DNAH14: variants seen among roughly 807,000 people sequenced by gnomAD.
The protein encoded by DNAH14 is axonemal beta dynein heavy chain 14.
A neutral mutation model predicts 520.9 loss-of-function variants in DNAH14; 478 were observed. The observed-to-expected ratio is 0.92, with a 90% CI of 0.85 to 0.99. DNAH14 has a LOEUF of 0.99. Among genes scored for constraint, DNAH14 ranks in the 50% least tolerant of loss-of-function variants. DNAH14 has a pLI of 0.00. For synonymous variants in DNAH14, 1,581 were observed against 1,757.2 expected, an observed-to-expected ratio of 0.90 and a Z score of 2.51; for missense variants, 4,831 against 5,234.5, an observed-to-expected ratio of 0.92 and a Z score of 2.38.
rs949407805 is a variant in DNAH14, at chr1:225,119,270, A to C, written c.4142A>C (p.Lys1381Thr). ...AVEQWLVNVE[K>T]SMFDVLKKFL... ...GAACAGTGGCTGGTAAATGTAGAAA[A>C]AAGCATGTTCGATGTGCTAAAAAAG... Residue 1381 changes from lysine (K) to threonine (T), a missense_variant, in exon 26 of 86, where the codon AAA becomes ACA. Transcript: ENST00000682510. 3.9e-6 allele frequency: 6 copies of C among 1,525,680 alleles called. No homozygotes were observed. In the Admixed American group the frequency reaches 8.2e-5, roughly 21 times the overall value. The allele number at this position is 1,525,680 out of a possible 1,614,324, so 94.5% of individuals were successfully genotyped here.
intron 5 of DNAH14, among the ~76,000 whole-genome samples, chr1:224,966,292 T>A (rs964124222): frequency 6.6e-6 from 1 of 152,116 alleles, no homozygotes; most frequent in East Asian, 1.9e-4. Flanking sequence ...TTTTAAAAAG[T>A]GTAAAACTGG....
intron 38 of DNAH14, among the ~76,000 whole-genome samples, chr1:225,193,246 T>C (rs1461244005): frequency 6.6e-6 from 1 of 152,076 alleles, no homozygotes; most frequent in African/African-American, 2.4e-5. Flanking sequence ...AACCCTTTGT[T>C]AGAAAAGTGA....
intron 1 of DNAH14, among the ~76,000 whole-genome samples, chr1:224,946,565 C>T (rs149810387): frequency 1.3e-5 from 2 of 152,174 alleles, no homozygotes; most frequent in African/African-American, 4.8e-5. Context: ...CTGCATTGCT[C>T]ATGCTGGGAG....
Position 225,152,798 on chromosome 1 carries a change from T to C in DNAH14, c.5111T>C (p.Phe1704Ser). Reference sequence around the variant, plus strand: ...CAAATGATTGCTGAAATAATATTGTTTTCATTTGGTTTCAAATCTGCAAAT... The same window carrying C: ...CAAATGATTGCTGAAATAATATTGTCTTCATTTGGTTTCAAATCTGCAAAT... The part of the protein sequence containing the change: ...HYQMIAEIIL[F>S]SFGFKSANSL... The change falls in exon 33 of 86, where the codon TTT becomes TCT. Residue 1704 changes from phenylalanine (F) to serine (S), a missense_variant. Coordinates refer to ENST00000682510, the MANE Select transcript of DNAH14 (RefSeq NM_001367479.1). The C allele has an allele frequency of 6.4e-7, 1 of 1,551,460 alleles. No individual in the cohort carries two copies. The highest frequency in any genetic ancestry group is 8.7e-7 in the Non-Finnish European group (1 of 1,146,858).
intron 3 of DNAH14, among the ~76,000 whole-genome samples, chr1:224,958,156 G>A (rs1005684720): frequency 1.3e-5 from 2 of 151,996 alleles, no homozygotes; most frequent in East Asian, 3.9e-4. Context: ...TTGTTCCCTG[G>A]GAAGTAGGCT....
At chr1:225,201,730 C>T (rs759238813) in intron 38 of DNAH14, among the ~76,000 whole-genome samples, 1 of 152,110 alleles carries the variant, frequency 6.6e-6, no homozygotes, top group Non-Finnish European at 1.5e-5. Flanking sequence ...CTATGGGTCT[C>T]TCAGCCACGG....
Position 225,318,629 on chromosome 1 carries a change from CA to C in DNAH14, c.9289del (p.Ile3097LeufsTer4). On this transcript the variant is annotated frameshift_variant, in exon 61 of 86. Transcript: ENST00000682510. LOFTEE classifies it high-confidence loss of function. ...LKSVLPAFDK[A>X]IVALNALDKA... The stretch of plus-strand genomic sequence containing the variant: ...AGTGTGCTGCCAGCCTTTGACAAGG[CA>C]ATTGTGGCTCTGAATGCCCTGGATA... The C allele has an allele frequency of 6.5e-7, 1 of 1,550,102 alleles. No individual in the cohort carries two copies. The highest frequency in any genetic ancestry group is 1.2e-5 in the South Asian group (1 of 83,466).
intron 81 of DNAH14, among the ~76,000 whole-genome samples, chr1:225,382,292 C>T (rs1402017735): frequency 1.3e-5 from 2 of 152,184 alleles, no homozygotes; most frequent in African/African-American, 4.8e-5. Context: ...ATGCACCACT[C>T]ATGGGAATGA....
chr1:224,990,808 A>G (rs1050897829), intron 8 of DNAH14, among the ~76,000 whole-genome samples: 3 of 152,138 alleles, frequency 2.0e-5, no homozygotes, highest in Non-Finnish European at 4.4e-5. Flanking sequence ...TTGGGTAAAT[A>G]TTTAGAAGTG....
rs575918155 is a variant in DNAH14 at position 225,169,922 on chromosome 1, T to C, written c.5535+1894T>C. Reference sequence around the variant, plus strand: ...CCCATCAGACTAACAGCAGATCTCTTGGCAGAAACTCTACAAGCCAGAAGA... The same window carrying C: ...CCCATCAGACTAACAGCAGATCTCTCGGCAGAAACTCTACAAGCCAGAAGA... On this transcript the variant is annotated intron_variant, in intron 36 of 85. Transcript: ENST00000682510. 5.6e-3 allele frequency among the ~76,000 whole-genome samples: 851 copies of C among 152,296 alleles called. 6 individuals carry two copies. Among genetic ancestry groups the C allele is most frequent in the Non-Finnish European group, 7.5e-3 (510 of 68,022 alleles).
intron 54 of DNAH14, among the ~76,000 whole-genome samples, chr1:225,289,153 A>G (rs866619762): frequency 6.6e-6 from 1 of 152,174 alleles, no homozygotes; most frequent in Non-Finnish European, 1.5e-5. Context: ...CACATACAAC[A>G]TGAAAGAACT....
intron 44 of DNAH14, among the ~76,000 whole-genome samples, chr1:225,254,294 A>T (rs1332516075): frequency 2.0e-5 from 3 of 152,214 alleles, no homozygotes; most frequent in Non-Finnish European, 2.9e-5. Context: ...AAGCAGATAG[A>T]ACTTGTATCA....
intron 54 of DNAH14, among the ~76,000 whole-genome samples, chr1:225,285,314 C>T (rs1207131471): frequency 1.3e-5 from 2 of 152,108 alleles, no homozygotes; most frequent in Non-Finnish European, 2.9e-5. Flanking sequence ...TTTGGGAGGC[C>T]AAAGTGAGTG....
At position 225,051,863 on chromosome 1, in the gene DNAH14, G is replaced by A. The variant is rs545139318; in HGVS notation, c.2424+68G>A. 2,019 of 1,107,274 alleles carry A rather than the reference G, an allele frequency of 1.8e-3. 5 individuals carry two copies. Among genetic ancestry groups the A allele is most frequent in the Non-Finnish European group, 2.3e-3 (1,808 of 798,902 alleles). 68.6% of individuals were successfully genotyped at this position (1,107,274 alleles called of 1,614,324 possible). A position where few individuals can be genotyped will look rare whatever the true frequency, so the allele number is the denominator to read the frequency against. ...TTAGTAAATTTTAAATTTAAAATATGTACTTAGAGAATATATGATATCATG... is the reference window on the plus strand; with the variant it reads ...TTAGTAAATTTTAAATTTAAAATATATACTTAGAGAATATATGATATCATG... On this transcript the variant is annotated intron_variant, in intron 17 of 85. Coordinates refer to ENST00000682510, the MANE Select transcript of DNAH14 (RefSeq NM_001367479.1).
intron 55 of DNAH14, among the ~76,000 whole-genome samples, chr1:225,291,021 T>A (rs971025674): frequency 6.6e-6 from 1 of 151,900 alleles, no homozygotes; most frequent in Non-Finnish European, 1.5e-5. Flanking sequence ...TCCCTATCCT[T>A]CTCTCCCTTT....
At chr1:225,396,296 CG>C (rs1000004991) in intron 84 of DNAH14, 1 of 152,180 alleles carries the variant, frequency 6.6e-6, no homozygotes, top group Non-Finnish European at 1.5e-5. Context: ...AGATGAACAA[CG>C]TAAGGCCTCT....
intron 77 of DNAH14, among the ~76,000 whole-genome samples, chr1:225,372,307 G>A (rs1201573819): frequency 6.6e-6 from 1 of 152,144 alleles, no homozygotes; most frequent in African/African-American, 2.4e-5. Context: ...TCCTGAAAGG[G>A]TCCTCCTTCA....
chr1:225,061,545 A>G (rs2070113223), intron 17 of DNAH14, among the ~76,000 whole-genome samples: 1 of 152,246 alleles, frequency 6.6e-6, no homozygotes, highest in African/African-American at 2.4e-5. Flanking sequence ...GACACTGCCC[A>G]GTGAGATGAA....
chr1:225,105,934 G>A (rs113025340), intron 23 of DNAH14, among the ~76,000 whole-genome samples: 6,399 of 139,052 alleles, frequency 0.046, 266 homozygotes, highest in East Asian at 0.17. Context: ...TTATTATGAT[G>A]TTAGCTGGTT....
Sources: allele counts gnomAD v4.1 joint callset (sites outside exome capture counted in the v4.1 genomes callset), GRCh38; gene constraint gnomAD v4.1.1; transcripts MANE v1.5; gene names NCBI Gene and HGNC (gene_info 2026-07-23, HGNC 2026-07-21).